Variants in FSTL4 observed in about 807,000 individuals in gnomAD.
The protein encoded by FSTL4 is follistatin like 4.
A neutral mutation model predicts 78.2 loss-of-function variants in FSTL4; 28 were observed. The observed-to-expected ratio is 0.36, with a 90% CI of 0.27 to 0.49. FSTL4 has a LOEUF of 0.49. Ranked by LOEUF, FSTL4 falls within the 20% of genes least tolerant of loss-of-function variation. The probability of loss-of-function intolerance (pLI) is 0.98; values close to 1 mark genes in which losing one functional copy is unlikely to be tolerated. For missense variants in FSTL4, 922 were observed against 1,084.9 expected, an observed-to-expected ratio of 0.85 and a Z score of 2.11; for synonymous variants, 422 against 440.5, an observed-to-expected ratio of 0.96 and a Z score of 0.53.
intron 3 of FSTL4, among the ~76,000 whole-genome samples, chr5:133,418,638 T>A (rs1281833896): frequency 6.6e-6 from 1 of 152,242 alleles, no homozygotes; most frequent in African/African-American, 2.4e-5. Context: ...CATGAATTAC[T>A]ATACAGCTAC....
intron 7 of FSTL4, among the ~76,000 whole-genome samples, chr5:133,245,122 A>T (rs1405424404): frequency 1.5e-5 from 1 of 66,894 alleles, no homozygotes; most frequent in South Asian, 4.2e-4. Flanking sequence ...CCTACTGCCT[A>T]AAAAAAAAAA....
chr5:133,569,830 A>T (rs1345082095), intron 2 of FSTL4, among the ~76,000 whole-genome samples: 1 of 152,132 alleles, frequency 6.6e-6, no homozygotes, highest in East Asian at 1.9e-4. Context: ...ATTATTTTAA[A>T]TATGTTTTAC....
intron 8 of FSTL4, among the ~76,000 whole-genome samples, chr5:133,229,782 G>A (rs542257866): frequency 1.6e-4 from 24 of 152,294 alleles, no homozygotes; most frequent in South Asian, 8.3e-4. Flanking sequence ...ATTCAATACT[G>A]TGCAGCCAAA....
chr5:133,568,005 T>C (rs555052929), intron 2 of FSTL4, among the ~76,000 whole-genome samples: 1 of 152,216 alleles, frequency 6.6e-6, no homozygotes, highest in Non-Finnish European at 1.5e-5. Context: ...AGGAAAAGTG[T>C]TTTTAAAAGA....
At chr5:133,554,687 C>A (rs1759754069) in intron 3 of FSTL4, among the ~76,000 whole-genome samples, 1 of 152,240 alleles carries the variant, frequency 6.6e-6, no homozygotes, top group African/African-American at 2.4e-5. Flanking sequence ...CTAAGAGGCA[C>A]ATGGAAATAT....
chr5:133,705,869 G>GCGCA, the FSTL4 span, among the ~76,000 whole-genome samples: 21 of 147,806 alleles, frequency 1.4e-4, no homozygotes, highest in African/African-American at 3.5e-4. Flanking sequence ...ACACACACAC[G>GCGCA]CACACACACA....
chr5:133,561,112 A>T lies in FSTL4; in HGVS notation c.160+6074T>A, dbSNP rs941683446. ...TCAAAATAATAATAATAATAATAATAATAATAATAATAATAATAATAATAA... is the reference window on the plus strand; with the variant it reads ...TCAAAATAATAATAATAATAATAATTATAATAATAATAATAATAATAATAA... On this transcript the variant is annotated intron_variant, in intron 3 of 15. Transcript: ENST00000265342. Among the ~76,000 whole-genome samples, 4 of 146,898 alleles carry T rather than the reference A, an allele frequency of 2.7e-5. No homozygotes were observed. In the South Asian group the frequency reaches 8.6e-4, roughly 31 times the overall value.
chr5:133,776,926 T>G, the FSTL4 span, among the ~76,000 whole-genome samples: 4 of 152,128 alleles, frequency 2.6e-5, no homozygotes, highest in South Asian at 8.3e-4. Context: ...CTGGCTTGAA[T>G]GTATGGCCTA....
intron 3 of FSTL4, among the ~76,000 whole-genome samples, chr5:133,545,730 TC>T (rs1759561336): frequency 2.0e-5 from 3 of 152,102 alleles, no homozygotes; most frequent in African/African-American, 7.2e-5. Context: ...CCAAAATTGT[TC>T]CAAAAAAGTG....
intron 4 of FSTL4, among the ~76,000 whole-genome samples, chr5:133,325,970 G>A (rs1484377866): frequency 6.6e-6 from 1 of 152,218 alleles, no homozygotes; most frequent in Non-Finnish European, 1.5e-5. Flanking sequence ...TGGCTTAATT[G>A]TCTGGCACCC....
At chr5:133,614,651 T>C (rs1761167826), upstream of FSTL4, among the ~76,000 whole-genome samples, 1 of 152,212 alleles carries the variant, frequency 6.6e-6, no homozygotes, top group African/African-American at 2.4e-5. Context: ...GAAAATAGGC[T>C]AGATTTCACA....
upstream of FSTL4, among the ~76,000 whole-genome samples, chr5:133,613,482 G>C (rs1422191304): frequency 6.6e-6 from 1 of 152,218 alleles, no homozygotes; most frequent in Non-Finnish European, 1.5e-5. Flanking sequence ...ATTTTTCTGA[G>C]GATGAAGTTA....
the FSTL4 span, among the ~76,000 whole-genome samples, chr5:133,798,519 T>TAAA: frequency 1.4e-5 from 2 of 145,262 alleles, no homozygotes; most frequent in Admixed American, 1.4e-4. Flanking sequence ...AAAAAAAACT[T>TAAA]AAAAAAAAAA....
chr5:133,511,186 C>A (rs963296242), intron 3 of FSTL4, among the ~76,000 whole-genome samples: 3 of 152,188 alleles, frequency 2.0e-5, no homozygotes, highest in Non-Finnish European at 4.4e-5. Context: ...CCTAAGCTGG[C>A]ATCTCTCTGT....
At chr5:133,499,604 C>T (rs1758447004) in intron 3 of FSTL4, among the ~76,000 whole-genome samples, 1 of 152,142 alleles carries the variant, frequency 6.6e-6, no homozygotes, top group African/African-American at 2.4e-5. Flanking sequence ...ACAGTGACAA[C>T]TCATATTTGC....
chr5:133,619,107 C>T, the FSTL4 span, among the ~76,000 whole-genome samples: 1 of 152,228 alleles, frequency 6.6e-6, no homozygotes, highest in East Asian at 1.9e-4. Context: ...TCAGGGAGCC[C>T]AGTGCTGGCT....
intron 2 of FSTL4, among the ~76,000 whole-genome samples, chr5:133,587,226 C>G (rs1383566918): frequency 1.5e-4 from 3 of 19,676 alleles, no homozygotes; most frequent in Middle Eastern, 0.013. Context: ...ACTGGCACAA[C>G]ACAGGGATGC....
chr5:133,624,353 A>C, the FSTL4 span, among the ~76,000 whole-genome samples: 1 of 152,036 alleles, frequency 6.6e-6, no homozygotes, highest in Admixed American at 6.6e-5. Context: ...ACAAAATGTC[A>C]CATATTATAT....
the FSTL4 span, among the ~76,000 whole-genome samples, chr5:133,758,026 A>G: frequency 1.3e-5 from 2 of 152,186 alleles, no homozygotes; most frequent in Non-Finnish European, 2.9e-5. Context: ...ACTTTGAGTC[A>G]AGGGAGTCGG....
Sources: allele counts gnomAD v4.1 joint callset (sites outside exome capture counted in the v4.1 genomes callset), GRCh38; gene constraint gnomAD v4.1.1; transcripts MANE v1.5; gene names NCBI Gene and HGNC (gene_info 2026-07-23, HGNC 2026-07-21).